KCNK2: variants seen among roughly 807,000 people sequenced by gnomAD.
KCNK2 encodes the protein potassium two pore domain channel subfamily K member 2, also known as potassium channel subfamily K member 2.
A neutral mutation model predicts 40.5 loss-of-function variants in KCNK2; 21 were observed. The ratio of observed to expected loss-of-function variants is 0.52; its 90% confidence interval spans 0.37 to 0.75. The LOEUF (loss-of-function observed/expected upper bound fraction) is 0.75. KCNK2 is among the 30% of genes least tolerant of loss of function. KCNK2 has a pLI of 0.00. For missense variants in KCNK2, 399 were observed against 531.6 expected, an observed-to-expected ratio of 0.75 and a Z score of 2.45; for synonymous variants, 191 against 202.2, an observed-to-expected ratio of 0.94 and a Z score of 0.47.
At chr1:215,157,538 A>T (rs1371359979) in intron 3 of KCNK2, among the ~76,000 whole-genome samples, 1 of 152,220 alleles carries the variant, frequency 6.6e-6, no homozygotes, top group African/African-American at 2.4e-5. Context: ...TGCATATATT[A>T]TGCCATAAAC....
intron 6 of KCNK2, among the ~76,000 whole-genome samples, chr1:215,206,993 T>C (rs906625051): frequency 1.4e-4 from 22 of 152,322 alleles, no homozygotes; most frequent in South Asian, 4.1e-4. Flanking sequence ...TCAATACTTA[T>C]AGGGCTCTGC....
intron 2 of KCNK2, among the ~76,000 whole-genome samples, chr1:215,095,293 C>T (rs981162643): frequency 6.6e-6 from 1 of 152,026 alleles, no homozygotes; most frequent in Non-Finnish European, 1.5e-5. Context: ...TTCCTTATGA[C>T]CCCATCTCCA....
At chr1:215,216,729 A>T (rs1471076375) in intron 6 of KCNK2, among the ~76,000 whole-genome samples, 1 of 152,106 alleles carries the variant, frequency 6.6e-6, no homozygotes, top group Non-Finnish European at 1.5e-5. Flanking sequence ...ATATTGAATA[A>T]CATAAAAGTC....
chr1:215,064,094 A>T (rs1015993553), intron 1 of KCNK2, among the ~76,000 whole-genome samples: 8 of 152,148 alleles, frequency 5.3e-5, no homozygotes, highest in African/African-American at 1.9e-4. Flanking sequence ...ACTGTTATCT[A>T]TCAAGTTTTT....
intron 1 of KCNK2, among the ~76,000 whole-genome samples, chr1:215,019,066 G>T (rs758403302): frequency 6.6e-6 from 1 of 151,912 alleles, no homozygotes; most frequent in South Asian, 2.1e-4. Context: ...CATGTCCTAC[G>T]TATCTGATAA....
intron 1 of KCNK2, among the ~76,000 whole-genome samples, chr1:215,041,583 G>T (rs939545936): frequency 2.0e-5 from 3 of 152,182 alleles, no homozygotes; most frequent in Non-Finnish European, 1.5e-5. Flanking sequence ...TATGTAGTCA[G>T]ATCTTGATAT....
intron 5 of KCNK2, among the ~76,000 whole-genome samples, chr1:215,185,480 A>T (rs1159752994): frequency 3.3e-5 from 5 of 152,114 alleles, no homozygotes; most frequent in African/African-American, 9.7e-5. Context: ...GAAATTGTGA[A>T]TTTTTTTAAA....
intron 3 of KCNK2, among the ~76,000 whole-genome samples, chr1:215,133,650 C>A (rs1661768813): frequency 6.6e-6 from 1 of 150,514 alleles, no homozygotes; most frequent in African/African-American, 2.4e-5. Flanking sequence ...TAGACTTGTG[C>A]AATCTTACTT....
chr1:215,064,308 T>G (rs563580770), intron 1 of KCNK2, among the ~76,000 whole-genome samples: 4 of 151,510 alleles, frequency 2.6e-5, no homozygotes, highest in African/African-American at 4.8e-5. Context: ...GCCTCGGGGG[T>G]GTGTGTGTGT....
chr1:215,108,313 A>C (rs986246098), intron 2 of KCNK2, among the ~76,000 whole-genome samples: 1 of 152,108 alleles, frequency 6.6e-6, no homozygotes, highest in African/African-American at 2.4e-5. Context: ...TGTGTAGGTT[A>C]TATGCAAATA....
intron 6 of KCNK2, among the ~76,000 whole-genome samples, chr1:215,232,295 A>T (rs1361195573): frequency 6.6e-6 from 1 of 152,204 alleles, no homozygotes; most frequent in Non-Finnish European, 1.5e-5. Flanking sequence ...GAGTACTAAC[A>T]TGATAAAAGG....
chr1:215,158,517 T>G (rs1225566368), intron 3 of KCNK2, among the ~76,000 whole-genome samples: 1 of 152,146 alleles, frequency 6.6e-6, no homozygotes, highest in Non-Finnish European at 1.5e-5. Flanking sequence ...ATTTTATTAT[T>G]AAAACAGTAA....
intron 1 of KCNK2, among the ~76,000 whole-genome samples, chr1:215,077,127 C>A (rs146098166): frequency 7.9e-5 from 12 of 152,316 alleles, no homozygotes; most frequent in African/African-American, 2.9e-4. Flanking sequence ...ATGCCTGAAC[C>A]AGTTGAGAAG....
chr1:215,078,991 A>G (rs1316649424), upstream of KCNK2, among the ~76,000 whole-genome samples: 1 of 152,220 alleles, frequency 6.6e-6, no homozygotes, highest in Non-Finnish European at 1.5e-5. Flanking sequence ...AAGGTCAAAA[A>G]TCAAAATAAA....
chr1:215,168,504 C>G (rs576956329), intron 3 of KCNK2, among the ~76,000 whole-genome samples: 3 of 152,114 alleles, frequency 2.0e-5, no homozygotes, highest in Admixed American at 2.0e-4. Flanking sequence ...ACATATACAC[C>G]ATGGAATACT....
chr1:215,128,892 A>G (rs953520430), intron 3 of KCNK2, among the ~76,000 whole-genome samples: 1 of 152,214 alleles, frequency 6.6e-6, no homozygotes. Flanking sequence ...TTGAGGATCT[A>G]CTACAATAAG....
chr1:215,047,285 A>T (rs1657811155), intron 1 of KCNK2, among the ~76,000 whole-genome samples: 1 of 152,146 alleles, frequency 6.6e-6, no homozygotes, highest in Admixed American at 6.5e-5. Flanking sequence ...CCATTGTGCT[A>T]AGCATTTTGC....
At chr1:215,161,569 G>A (rs1182643751) in intron 3 of KCNK2, among the ~76,000 whole-genome samples, 3 of 140,580 alleles carry the variant, frequency 2.1e-5, no homozygotes, top group Non-Finnish European at 4.6e-5. Context: ...TCCCTCCCCT[G>A]GCCCCTTAGC....
intron 3 of KCNK2, among the ~76,000 whole-genome samples, chr1:215,155,588 C>A (rs576150109): frequency 6.6e-6 from 1 of 152,066 alleles, no homozygotes. Context: ...GGCGCGATCT[C>A]GGCTCACTGC....
Sources: allele counts gnomAD v4.1 joint callset (sites outside exome capture counted in the v4.1 genomes callset), GRCh38; gene constraint gnomAD v4.1.1; transcripts MANE v1.5; gene names NCBI Gene and HGNC (gene_info 2026-07-23, HGNC 2026-07-21).